Variants in FILIP1L observed in about 807,000 individuals in gnomAD.
FILIP1L encodes filamin A interacting protein 1 like.
In FILIP1L, 55 loss-of-function variants were observed where a neutral mutation model predicts 96.6. The observed-to-expected ratio is 0.57, with a 90% CI of 0.46 to 0.71. The LOEUF is 0.71. FILIP1L is among the 30% of genes least tolerant of loss of function. The probability of loss-of-function intolerance (pLI) is 0.00; values close to 1 mark genes in which losing one functional copy is unlikely to be tolerated. For missense variants in FILIP1L, 1,304 were observed against 1,321.2 expected (o/e 0.99, Z 0.20); for synonymous variants, 467 against 473.9 (o/e 0.99, Z 0.19).
chr3:100,056,322 G>A (rs1575998754), intron 1 of FILIP1L, among the ~76,000 whole-genome samples: 1 of 152,086 alleles, frequency 6.6e-6, no homozygotes, highest in Non-Finnish European at 1.5e-5. Flanking sequence ...CATAAATATT[G>A]TTACATTTTC....
intron 1 of FILIP1L, among the ~76,000 whole-genome samples, chr3:100,071,403 C>A (rs2065761202): frequency 6.6e-6 from 1 of 152,138 alleles, no homozygotes; most frequent in South Asian, 2.1e-4. Context: ...GCCAGCCTCC[C>A]CATCTTAACT....
At chr3:100,086,237 C>A (rs1225120188) in intron 1 of FILIP1L, among the ~76,000 whole-genome samples, 1 of 152,162 alleles carries the variant, frequency 6.6e-6, no homozygotes, top group East Asian at 1.9e-4. Flanking sequence ...AATAGTTAAC[C>A]TATTGAGCTG....
At chr3:100,105,890 T>A (rs908360573) in intron 1 of FILIP1L, among the ~76,000 whole-genome samples, 8 of 152,138 alleles carry the variant, frequency 5.3e-5, no homozygotes, top group African/African-American at 1.9e-4. Context: ...AACAAAAACT[T>A]TTTTTTAATC....
intron 4 of FILIP1L, among the ~76,000 whole-genome samples, chr3:99,921,952 C>A (rs1052156470): frequency 6.6e-6 from 1 of 152,186 alleles, no homozygotes; most frequent in Non-Finnish European, 1.5e-5. Context: ...TGCCTCCCAA[C>A]ATTCCAGTAT....
intron 4 of FILIP1L, among the ~76,000 whole-genome samples, chr3:99,913,142 C>G (rs1359286226): frequency 6.6e-6 from 1 of 152,198 alleles, no homozygotes; most frequent in Non-Finnish European, 1.5e-5. Flanking sequence ...TTCTAGCACC[C>G]TCATCTCTGA....
intron 4 of FILIP1L, among the ~76,000 whole-genome samples, chr3:99,856,868 C>T (rs538897389): frequency 1.5e-4 from 23 of 152,298 alleles, no homozygotes; most frequent in Non-Finnish European, 2.4e-4. Flanking sequence ...ATATAATACA[C>T]ATATGAAACA....
intron 1 of FILIP1L, among the ~76,000 whole-genome samples, chr3:100,083,708 CA>C (rs2065965128): frequency 1.3e-5 from 2 of 152,104 alleles, no homozygotes; most frequent in Admixed American, 6.5e-5. Flanking sequence ...TTTTCAACTT[CA>C]TAAAAAAAAT....
chr3:100,030,935 G>T (rs1173279829), intron 1 of FILIP1L, among the ~76,000 whole-genome samples: 3 of 152,042 alleles, frequency 2.0e-5, no homozygotes, highest in Non-Finnish European at 4.4e-5. Flanking sequence ...ATATAGATTT[G>T]CATTATAATA....
At chr3:100,108,597 A>G (rs192564003) in intron 1 of FILIP1L, among the ~76,000 whole-genome samples, 17 of 152,308 alleles carry the variant, frequency 1.1e-4, no homozygotes, top group Admixed American at 3.3e-4. Context: ...ATTCAATTCA[A>G]ACAGTCCTCA....
intron 1 of FILIP1L, among the ~76,000 whole-genome samples, chr3:100,086,125 G>T (rs1156411600): frequency 2.0e-5 from 3 of 152,220 alleles, no homozygotes; most frequent in Non-Finnish European, 4.4e-5. Flanking sequence ...GTATCTTTCT[G>T]CAGCGAACCT....
intron 3 of FILIP1L, among the ~76,000 whole-genome samples, chr3:99,927,181 A>G (rs777289615): frequency 2.6e-5 from 4 of 152,216 alleles, no homozygotes; most frequent in Non-Finnish European, 4.4e-5. Context: ...CTCTTTCACC[A>G]AAACTTTCCC....
At chr3:99,933,172 C>T (rs761522475) in intron 1 of FILIP1L, among the ~76,000 whole-genome samples, 1 of 152,118 alleles carries the variant, frequency 6.6e-6, no homozygotes, top group Non-Finnish European at 1.5e-5. Context: ...AAAATCATGC[C>T]GTAATGTCAT....
chr3:100,067,210 A>C (rs1413844298), intron 1 of FILIP1L, among the ~76,000 whole-genome samples: 1 of 151,894 alleles, frequency 6.6e-6, no homozygotes, highest in South Asian at 2.1e-4. Context: ...AAATAGGGAA[A>C]TTTTAGCATC....
chr3:99,958,038 A>G (rs917167923), intron 1 of FILIP1L, among the ~76,000 whole-genome samples: 6 of 148,912 alleles, frequency 4.0e-5, no homozygotes, highest in Admixed American at 6.7e-5. Flanking sequence ...TAAAGGCTCA[A>G]TGGGCTCAGA....
At chr3:100,026,654 C>G (rs1248071601) in intron 1 of FILIP1L, among the ~76,000 whole-genome samples, 1 of 152,184 alleles carries the variant, frequency 6.6e-6, no homozygotes, top group Non-Finnish European at 1.5e-5. Context: ...AAACCCACAT[C>G]TAATTCATCA....
chr3:100,007,615 A>G (rs937715285), intron 1 of FILIP1L, among the ~76,000 whole-genome samples: 4 of 152,208 alleles, frequency 2.6e-5, no homozygotes, highest in Admixed American at 6.5e-5. Flanking sequence ...GAATTGGCCC[A>G]GAAAGTGTAC....
intron 1 of FILIP1L, among the ~76,000 whole-genome samples, chr3:100,086,881 A>G (rs2066018278): frequency 6.6e-6 from 1 of 151,794 alleles, no homozygotes; most frequent in African/African-American, 2.4e-5. Context: ...TCTATTCTCA[A>G]CCCCTAGTAA....
chr3:100,045,866 G>A (rs766008300), intron 1 of FILIP1L, among the ~76,000 whole-genome samples: 25 of 152,154 alleles, frequency 1.6e-4, no homozygotes, highest in Non-Finnish European at 1.8e-4. Flanking sequence ...ACTTGGTGGA[G>A]TCTGACCCTC....
At chr3:99,930,193 T>C (rs568781529) in intron 2 of FILIP1L, among the ~76,000 whole-genome samples, 164 bp from the exon 3 acceptor site, 8 of 152,348 alleles carry the variant, frequency 5.3e-5, no homozygotes, top group African/African-American at 1.9e-4. Flanking sequence ...TATCCCTTCA[T>C]CCTTCTTGTA....
Sources: gnomAD v4.1 joint callset for allele counts (sites outside exome capture counted in the v4.1 genomes callset) on GRCh38, gnomAD v4.1.1 for gene constraint, MANE v1.5 for transcripts, NCBI Gene and HGNC (gene_info 2026-07-23, HGNC 2026-07-21) for gene names.